DLGAP2: variants seen among roughly 807,000 people sequenced by gnomAD.
The protein encoded by DLGAP2 is disks large-associated protein 2.
A neutral mutation model predicts 100.3 loss-of-function variants in DLGAP2; 26 were observed. The observed-to-expected ratio is 0.26, with a 90% CI of 0.19 to 0.36. DLGAP2 has a LOEUF of 0.36. DLGAP2 is among the 10% of genes least tolerant of loss of function. The probability of loss-of-function intolerance (pLI) is 1.00; values close to 1 mark genes in which losing one functional copy is unlikely to be tolerated. For synonymous variants in DLGAP2, 886 were observed against 630.1 expected (o/e 1.41, Z -6.08); for missense variants, 1,858 against 1,453.2 (o/e 1.28, Z -4.53).
intron 1 of DLGAP2, among the ~76,000 whole-genome samples, chr8:864,528 T>C (rs1563069840): frequency 1.3e-5 from 2 of 152,166 alleles, no homozygotes; most frequent in Non-Finnish European, 2.9e-5. Context: ...CAGAAAAATA[T>C]ATAAGGCCAA....
At chr8:1,284,688 C>G (rs78247230) in intron 3 of DLGAP2, among the ~76,000 whole-genome samples, 2,518 of 152,314 alleles carry the variant, frequency 0.017, 79 homozygotes, top group African/African-American at 0.057. Context: ...GTGGCACCGT[C>G]TCAGCTCAGT....
At chr8:974,227 A>G (rs1397777763) in intron 2 of DLGAP2, among the ~76,000 whole-genome samples, 4 of 152,238 alleles carry the variant, frequency 2.6e-5, no homozygotes, top group African/African-American at 4.8e-5. Context: ...TATTCAAACT[A>G]TAGAAAATCA....
At chr8:1,516,869 G>A (rs1362103670) in intron 4 of DLGAP2, among the ~76,000 whole-genome samples, 1 of 152,228 alleles carries the variant, frequency 6.6e-6, no homozygotes, top group Non-Finnish European at 1.5e-5. Context: ...TTAAGCAGGT[G>A]AAACTCCCTA....
intron 2 of DLGAP2, among the ~76,000 whole-genome samples, chr8:1,201,828 C>T (rs1797880628): frequency 6.6e-6 from 1 of 152,024 alleles, no homozygotes. Flanking sequence ...GGTGTAGGTG[C>T]TTGTGTGTAC....
chr8:1,004,563 A>C (rs1801051901), intron 2 of DLGAP2, among the ~76,000 whole-genome samples: 1 of 152,164 alleles, frequency 6.6e-6, no homozygotes, highest in African/African-American at 2.4e-5. Context: ...GACTCTCTTG[A>C]GTTTCAGACC....
chr8:1,440,127 T>C (rs182347813), intron 3 of DLGAP2, among the ~76,000 whole-genome samples: 1 of 152,258 alleles, frequency 6.6e-6, no homozygotes, highest in Admixed American at 6.5e-5. Context: ...TTACTCCTCT[T>C]CATTTTAAGA....
chr8:1,334,339 C>T (rs1044626623), intron 3 of DLGAP2, among the ~76,000 whole-genome samples: 3 of 152,210 alleles, frequency 2.0e-5, no homozygotes, highest in Non-Finnish European at 2.9e-5. Flanking sequence ...TTCCTGGCGT[C>T]GGCCCTCATC....
intron 1 of DLGAP2, among the ~76,000 whole-genome samples, chr8:770,600 A>G (rs916944497): frequency 4.6e-5 from 7 of 151,978 alleles, no homozygotes; most frequent in Non-Finnish European, 7.4e-5. Flanking sequence ...GCTCCGAACA[A>G]TTTCTAAGCA....
intron 1 of DLGAP2, among the ~76,000 whole-genome samples, chr8:775,486 T>C (rs1477031185): frequency 7.2e-6 from 1 of 138,320 alleles, no homozygotes; most frequent in Non-Finnish European, 1.6e-5. Context: ...GGCTGTGGGT[T>C]TGTCATAGAT....
intron 5 of DLGAP2, 28 bp from the exon 6 acceptor site, chr8:1,565,655 T>C (rs1340320150): frequency 1.9e-6 from 3 of 1,582,896 alleles, no homozygotes; most frequent in Admixed American, 3.5e-5. Flanking sequence ...ACAAAGTTGA[T>C]GCGTGTTTCA....
intron 3 of DLGAP2, among the ~76,000 whole-genome samples, chr8:1,266,316 C>T (rs1799449739): frequency 6.6e-6 from 1 of 152,206 alleles, no homozygotes; most frequent in Non-Finnish European, 1.5e-5. Context: ...GAAATATTTG[C>T]AGGACGCTTC....
At chr8:1,180,792 G>A (rs888378551) in intron 2 of DLGAP2, among the ~76,000 whole-genome samples, 1 of 152,170 alleles carries the variant, frequency 6.6e-6, no homozygotes, top group Admixed American at 6.5e-5. Context: ...GTGTGGGTGT[G>A]CAAGGGCAGT....
At chr8:1,263,677 T>C (rs992365057) in intron 3 of DLGAP2, among the ~76,000 whole-genome samples, 3 of 152,210 alleles carry the variant, frequency 2.0e-5, no homozygotes, top group Non-Finnish European at 4.4e-5. Context: ...TTTTAAGACC[T>C]CTTAACAATT....
intron 6 of DLGAP2, among the ~76,000 whole-genome samples, chr8:1,588,494 C>A (rs1239393908): frequency 7.2e-5 from 11 of 152,146 alleles, no homozygotes; most frequent in Admixed American, 5.9e-4. Context: ...GCGTATGATG[C>A]CTAATTTATG....
At chr8:855,761 T>C (rs575909738) in intron 1 of DLGAP2, among the ~76,000 whole-genome samples, 6 of 152,350 alleles carry the variant, frequency 3.9e-5, no homozygotes, top group African/African-American at 1.4e-4. Context: ...CAAAAATCAG[T>C]TGATGTAATC....
intron 3 of DLGAP2, among the ~76,000 whole-genome samples, chr8:1,472,996 T>C (rs1420518379): frequency 6.6e-6 from 1 of 152,180 alleles, no homozygotes; most frequent in East Asian, 1.9e-4. Flanking sequence ...AGTGGCTTGA[T>C]CTCAGCTCAC....
At chr8:1,189,485 T>C (rs1797588876) in intron 2 of DLGAP2, among the ~76,000 whole-genome samples, 1 of 152,188 alleles carries the variant, frequency 6.6e-6, no homozygotes. Context: ...TTTTATCCAC[T>C]CAAGCAACTA....
intron 2 of DLGAP2, among the ~76,000 whole-genome samples, chr8:958,580 TC>T (rs148880728): frequency 0.26 from 17,742 of 68,230 alleles, 1,534 homozygotes; most frequent in Admixed American, 0.43. Flanking sequence ...AAACTAGACC[TC>T]CAAAAAAAAA....
intron 1 of DLGAP2, among the ~76,000 whole-genome samples, chr8:745,775 G>A (rs1298531290): frequency 6.6e-6 from 1 of 152,108 alleles, no homozygotes; most frequent in Non-Finnish European, 1.5e-5. Context: ...TCTATAAGAA[G>A]GTGTTCATAC....
Sources: gnomAD v4.1 joint callset for allele counts (sites outside exome capture counted in the v4.1 genomes callset) on GRCh38, gnomAD v4.1.1 for gene constraint, MANE v1.5 for transcripts, NCBI Gene and HGNC (gene_info 2026-07-23, HGNC 2026-07-21) for gene names.